Variants in MDN1 observed in about 807,000 individuals in gnomAD.
MDN1 encodes the protein midasin.
In MDN1, 266 loss-of-function variants were observed where a neutral mutation model predicts 669.2. The observed-to-expected ratio is 0.40, with a 90% CI of 0.36 to 0.44. MDN1 has a LOEUF of 0.44. MDN1 is among the 20% of genes least tolerant of loss of function. The pLI, the probability that MDN1 is intolerant of heterozygous loss-of-function variation, is 1.00. For missense variants in MDN1, 5,940 were observed against 6,754.0 expected (o/e 0.88, Z 4.22); for synonymous variants, 2,385 against 2,457.1 (o/e 0.97, Z 0.87).
chr6:89,689,072 A>T (rs1432153580), intron 65 of MDN1, among the ~76,000 whole-genome samples: 1 of 152,206 alleles, frequency 6.6e-6, no homozygotes, highest in African/African-American at 2.4e-5. Context: ...GGCCTGAGGC[A>T]CAAGAATTGC....
intron 34 of MDN1, among the ~76,000 whole-genome samples, chr6:89,732,238 T>C (rs1562154640): frequency 6.7e-6 from 1 of 150,082 alleles, no homozygotes; most frequent in African/African-American, 2.5e-5. Context: ...TCCTAACACA[T>C]GTATCCCAGA....
Position 89,727,870 on chromosome 6 carries a change from G to T in MDN1, c.5435C>A (p.Ala1812Glu), listed in dbSNP as rs1164070703. ...EFAWRDGPLLAALKAGHWVVL... is the reference protein window; with the variant it reads ...EFAWRDGPLLEALKAGHWVVL... ...CACCCAATGGCCTGCCTTCAAAGCTGCCAGTAAGGGGCCATCACGCCAGGC... is the reference window on the plus strand; with the variant it reads ...CACCCAATGGCCTGCCTTCAAAGCTTCCAGTAAGGGGCCATCACGCCAGGC... The change falls in exon 37 of 102, where the codon GCA (alanine) becomes GAA (glutamate). Residue 1812 changes from alanine to glutamate, a missense_variant. Ala to Glu is a moderately radical substitution (Grantham distance 107). This residue lies in a region of MDN1 where 2,292 missense variants were observed against 2,638.3 expected (regional missense o/e 0.87). Transcript: ENST00000369393. 2 of 1,613,948 alleles carry T rather than the reference G, an allele frequency of 1.2e-6. No homozygotes were observed. The highest frequency in any genetic ancestry group is 1.7e-6 in the Non-Finnish European group (2 of 1,179,940).
chr6:89,682,776 CAAAAA>C (rs1168971439), intron 73 of MDN1, among the ~76,000 whole-genome samples: 1 of 35,284 alleles, frequency 2.8e-5, no homozygotes, highest in African/African-American at 1.0e-4. Context: ...CTCATCTCTA[CAAAAA>C]AAAAAAAAAA....
intron 12 of MDN1, 100 bp downstream of exon 12, chr6:89,776,500 C>A: frequency 2.4e-6 from 2 of 825,118 alleles, no homozygotes; most frequent in Non-Finnish European, 3.8e-6. Flanking sequence ...AGAGGTACCA[C>A]TGCAAAAGCT....
chr6:89,751,480 A>T lies in MDN1; in HGVS notation c.3178T>A (p.Ser1060Thr). 1 of 1,614,212 alleles carries T rather than the reference A, an allele frequency of 6.2e-7. No individual in the cohort carries two copies. Among genetic ancestry groups the T allele is most frequent in the Non-Finnish European group, 8.5e-7 (1 of 1,180,032 alleles). The part of the protein sequence containing the change: ...PTIDETYILT[S>T]SVKLNLRDIV... The stretch of plus-strand genomic sequence containing the variant: ...TCTCTCAGGTTCAGCTTCACAGAAG[A>T]TGTCAGAATGTACGTCTCATCTATT... Residue 1060 changes from serine to threonine, a missense_variant, in exon 23 of 102, where the codon TCT becomes ACT. Ser to Thr is a moderately conservative substitution (Grantham distance 58, BLOSUM62 1). This residue lies in a region of MDN1 where 1,203 missense variants were observed against 1,268.9 expected (regional missense o/e 0.95). Coordinates refer to ENST00000369393, the MANE Select transcript of MDN1 (RefSeq NM_014611.3).
Position 89,743,286 on chromosome 6 carries a change from A to C in MDN1, c.4318-6T>G. 1 of 1,614,040 alleles carries C rather than the reference A, an allele frequency of 6.2e-7. No homozygotes were observed. The highest frequency in any genetic ancestry group is 8.5e-7 in the Non-Finnish European group (1 of 1,179,976). On this transcript the variant is annotated splice_polypyrimidine_tract_variant and splice_region_variant and intron_variant, in intron 30 of 101. Coordinates refer to ENST00000369393, the MANE Select transcript of MDN1 (RefSeq NM_014611.3). ...CTTGATGTGTCAATTTCTTCCTATA[A>C]TTTGAAAAAGTGGGGAAAATTAAAG...
In MDN1 at chr6:89,689,979, G is replaced by A; in HGVS notation, c.10914C>T (p.Leu3638=). The change falls in exon 65 of 102, where the codon CTC becomes CTT. Residue 3638 remains leucine, a synonymous_variant. Coordinates refer to ENST00000369393, the MANE Select transcript of MDN1 (RefSeq NM_014611.3). ...QQLCLNFARS[L]WYQQTLPPHE... ...GTGGCGGCAGAGTCTGTTGATACCAGAGGGATCGAGCAAAGTTGAGACACA... is the reference window on the plus strand; with the variant it reads ...GTGGCGGCAGAGTCTGTTGATACCAAAGGGATCGAGCAAAGTTGAGACACA... 1 of 1,614,204 alleles carries A rather than the reference G, an allele frequency of 6.2e-7. No homozygotes were observed. The highest frequency in any genetic ancestry group is 1.1e-5 in the South Asian group (1 of 91,088).
rs142196252 is a variant in MDN1 at position 89,734,481 on chromosome 6, T to C, written c.4724-1706A>G. Among the ~76,000 whole-genome samples, 389 of 151,802 alleles carry C rather than the reference T, an allele frequency of 2.6e-3. 5 individuals are homozygous for C. In the South Asian group the frequency reaches 0.028, roughly 11 times the overall value. On this transcript the variant is annotated intron_variant, in intron 33 of 101. Coordinates refer to ENST00000369393, the MANE Select transcript of MDN1 (RefSeq NM_014611.3). ...CAGCCTGGCCAATATGGCAAAACCC[T>C]GTATCTACAAAATACACAAAAATTA...
chr6:89,736,388 A>T (rs1815974399), intron 33 of MDN1, among the ~76,000 whole-genome samples: 1 of 152,192 alleles, frequency 6.6e-6, no homozygotes. Flanking sequence ...ATCACAATCC[A>T]AATAACAAAG....
chr6:89,695,968 C>T lies in MDN1; in HGVS notation c.9408G>A (p.Gly3136=). Reference sequence around the variant, plus strand: ...CTGCCAGGTGCCGGAACAGCACCTGCCCCTGGAGTTGGGAATCCGTGCGTC... The same window carrying T: ...CTGCCAGGTGCCGGAACAGCACCTGTCCCTGGAGTTGGGAATCCGTGCGTC... ...EFRRTDSQLQ[G]QVLFRHLAGL... is the part of the protein sequence containing the mutation. Residue 3136 remains glycine, a synonymous_variant, in exon 61 of 102, where the codon GGG becomes GGA. Coordinates refer to ENST00000369393, the MANE Select transcript of MDN1 (RefSeq NM_014611.3). This position sits in a 1 kb window ranked among gnomAD's most constrained non-coding sequence, Gnocchi z 4.1. 1 of 1,608,994 alleles carries T rather than the reference C, an allele frequency of 6.2e-7. No individual in the cohort carries two copies. The highest frequency in any genetic ancestry group is 2.2e-5 in the East Asian group (1 of 44,762).
Position 89,661,454 on chromosome 6 carries a change from T to C in MDN1, c.14690A>G (p.Asp4897Gly). 2 of 1,613,770 alleles carry C rather than the reference T, an allele frequency of 1.2e-6. No homozygotes were observed. Among genetic ancestry groups the C allele is most frequent in the Non-Finnish European group, 1.7e-6 (2 of 1,179,904 alleles). ...ACCTTCTCCTTCTTCATTGTCGGTG[T>C]CCTCACCACCATTCTTGTCTTCACT... ...LDSEDKNGGE[D>G]TDNEEGEEEN... The change falls in exon 88 of 102, where the codon GAC becomes GGC. Residue 4897 changes from aspartate to glycine, a missense_variant. Physicochemically the swap from Asp to Gly is moderately conservative, Grantham distance 94. Transcript: ENST00000369393.
chr6:89,669,590 C>T (rs1810490769), intron 83 of MDN1, among the ~76,000 whole-genome samples: 1 of 152,106 alleles, frequency 6.6e-6, no homozygotes, highest in Non-Finnish European at 1.5e-5. Flanking sequence ...AAGTACATCT[C>T]ATCTGTATTA....
chr6:89,792,395 A>G (rs1819315966), intron 5 of MDN1, among the ~76,000 whole-genome samples: 1 of 152,128 alleles, frequency 6.6e-6, no homozygotes, highest in East Asian at 1.9e-4. Context: ...CTTTGGCCCC[A>G]GGGTCCCCAC....
intron 35 of MDN1, among the ~76,000 whole-genome samples, chr6:89,729,445 T>C (rs17228548): frequency 0.099 from 15,080 of 152,248 alleles, 969 homozygotes; most frequent in South Asian, 0.16. Flanking sequence ...TGAATCACTG[T>C]ATGTACTTGT....
chr6:89,713,273 T>G lies in MDN1; in HGVS notation c.7093A>C (p.Thr2365Pro). 5.6e-6 allele frequency: 9 copies of G among 1,612,996 alleles called. No individual in the cohort carries two copies. Among genetic ancestry groups the G allele is most frequent in the East Asian group, 4.5e-5 (2 of 44,874 alleles). Residue 2365 changes from threonine (T) to proline (P), a missense_variant, in exon 47 of 102, where the codon ACT becomes CCT. Physicochemically the swap from Thr to Pro is conservative, Grantham distance 38. This residue lies in a region of MDN1 where 2,292 missense variants were observed against 2,638.3 expected (regional missense o/e 0.87). Coordinates refer to ENST00000369393, the MANE Select transcript of MDN1 (RefSeq NM_014611.3). ...ATTAGTATGGCTGTCTGGATTAGAG[T>G]TGATACAGAAGATGTTGGAGAACCT... ...VVGSPTSSVSTLIQTAILIVQ... is the reference protein window; with the variant it reads ...VVGSPTSSVSPLIQTAILIVQ...
intron 79 of MDN1, 173 bp from the exon 80 acceptor site, chr6:89,673,635 A>C: frequency 3.4e-6 from 2 of 589,200 alleles, no homozygotes; most frequent in Non-Finnish European, 6.0e-6. Context: ...CAGAGGACTG[A>C]AGCACAATTA....
chr6:89,813,097 C>G (rs780897895), intron 1 of MDN1, among the ~76,000 whole-genome samples: 2 of 152,164 alleles, frequency 1.3e-5, no homozygotes, highest in Non-Finnish European at 2.9e-5. Flanking sequence ...TGCGCCACCA[C>G]GCCCGGCTAA....
rs1402137253 is a variant in MDN1 at position 89,747,442 on chromosome 6, G to A, written c.3791C>T (p.Ala1264Val). The change falls in exon 27 of 102, where the codon GCT becomes GTT. Residue 1264 changes from alanine (A) to valine (V), a missense_variant. This residue lies in a region of MDN1 where 2,292 missense variants were observed against 2,638.3 expected (regional missense o/e 0.87). Coordinates refer to ENST00000369393, the MANE Select transcript of MDN1 (RefSeq NM_014611.3). ...AAGGGTGATGAAGCCCTGCTTTCCA[G>A]CAAACACTGAAGAACTTCTGCGATA... ...QSYRRSSSVF[A>V]GKQGFITLRD... is the part of the protein sequence containing the mutation. 6.2e-7 allele frequency: 1 copy of A among 1,613,688 alleles called. No individual in the cohort carries two copies. The highest frequency in any genetic ancestry group is 1.3e-5 in the African/African-American group (1 of 74,872).
intron 25 of MDN1, 51 bp from the exon 26 acceptor site, chr6:89,749,420 T>C (rs1439828119): frequency 1.2e-6 from 2 of 1,602,494 alleles, no homozygotes; most frequent in Non-Finnish European, 1.7e-6. Flanking sequence ...TAATTTCCAA[T>C]ATGGAGGCTC....
Sources: allele counts gnomAD v4.1 joint callset (sites outside exome capture counted in the v4.1 genomes callset), GRCh38; gene constraint gnomAD v4.1.1; regional missense constraint gnomAD v4.1.1; non-coding constraint Gnocchi (gnomAD v3.1); transcripts MANE v1.5; gene names NCBI Gene and HGNC (gene_info 2026-07-23, HGNC 2026-07-21).